DRC8: variants seen among roughly 807,000 people sequenced by gnomAD.
DRC8 encodes dynein regulatory complex protein 8.
the DRC8 span, chr1:245,015,747 A>C: frequency 3.6e-6 from 1 of 280,794 alleles, no homozygotes; most frequent in East Asian, 1.3e-4. Context: ...TATATCCAGA[A>C]TGCTGACATT....
At chr1:245,037,335 G>A in the DRC8 span, among the ~76,000 whole-genome samples, 1 of 152,116 alleles carries the variant, frequency 6.6e-6, no homozygotes, top group African/African-American at 2.4e-5. Flanking sequence ...TTCTGTGTTG[G>A]GAAGTTTATT....
the DRC8 span, among the ~76,000 whole-genome samples, chr1:245,045,148 T>C: frequency 6.6e-6 from 1 of 152,146 alleles, no homozygotes; most frequent in Non-Finnish European, 1.5e-5. Flanking sequence ...TAGCTGGAAC[T>C]ACAGCCACAC....
At chr1:244,971,778 A>G in the DRC8 span, among the ~76,000 whole-genome samples, 1 of 152,322 alleles carries the variant, frequency 6.6e-6, no homozygotes, top group Admixed American at 6.5e-5. Context: ...GAAGAAACAC[A>G]TGAAACTGCC....
At chr1:245,075,646 C>G in the DRC8 span, 1 of 152,166 alleles carries the variant, frequency 6.6e-6, no homozygotes, top group African/African-American at 2.4e-5. Context: ...AAGATGAATT[C>G]CCTGCGAATG....
chr1:245,070,937 G>A, the DRC8 span, among the ~76,000 whole-genome samples: 2 of 152,202 alleles, frequency 1.3e-5, no homozygotes, highest in African/African-American at 2.4e-5. Flanking sequence ...CCTCTGCCAT[G>A]TTAGGACACA....
chr1:244,986,821 T>G, the DRC8 span, among the ~76,000 whole-genome samples: 1 of 150,260 alleles, frequency 6.7e-6, no homozygotes, highest in Non-Finnish European at 1.5e-5. Context: ...ATGATGGTGG[T>G]GTCTTGGATT....
chr1:245,111,125 ATT>A, the DRC8 span, among the ~76,000 whole-genome samples: 1 of 152,244 alleles, frequency 6.6e-6, no homozygotes, highest in Non-Finnish European at 1.5e-5. Flanking sequence ...GCTGTTAAAA[ATT>A]AACTTTATAA....
At chr1:244,994,708 G>A in the DRC8 span, among the ~76,000 whole-genome samples, 2 of 152,192 alleles carry the variant, frequency 1.3e-5, no homozygotes, top group Non-Finnish European at 2.9e-5. Flanking sequence ...GATTACAGGT[G>A]TGAGCCCCTG....
At chr1:245,029,003 C>T in the DRC8 span, among the ~76,000 whole-genome samples, 9 of 152,182 alleles carry the variant, frequency 5.9e-5, no homozygotes, top group Non-Finnish European at 1.3e-4. Flanking sequence ...CTGTAGCGTT[C>T]GGGGATCTGG....
At chr1:245,083,410 C>A in the DRC8 span, 948 of 1,588,616 alleles carry the variant, frequency 6.0e-4, 13 homozygotes, top group East Asian at 0.018. Context: ...GTAAATACCA[C>A]GGCATTTACT....
the DRC8 span, among the ~76,000 whole-genome samples, chr1:245,050,637 C>T: frequency 4.6e-5 from 7 of 152,120 alleles, no homozygotes; most frequent in African/African-American, 1.2e-4. Context: ...TCAGGACAGT[C>T]CCTGGCACAC....
chr1:245,003,592 T>C, the DRC8 span, among the ~76,000 whole-genome samples: 2 of 152,264 alleles, frequency 1.3e-5, no homozygotes, highest in East Asian at 3.9e-4. Flanking sequence ...ATTGACATCA[T>C]TTGGAGGTTT....
chr1:245,045,183 AT>A, the DRC8 span, among the ~76,000 whole-genome samples: 2 of 151,576 alleles, frequency 1.3e-5, no homozygotes, highest in African/African-American at 2.4e-5. Context: ...CTAATTTTAC[AT>A]TTTTTTGTAG....
chr1:244,986,239 G>A, the DRC8 span, among the ~76,000 whole-genome samples: 1 of 152,152 alleles, frequency 6.6e-6, no homozygotes, highest in African/African-American at 2.4e-5. Context: ...ACAGGCATGA[G>A]CCACCATGCC....
the DRC8 span, among the ~76,000 whole-genome samples, chr1:245,064,959 A>G: frequency 1.4e-5 from 2 of 144,350 alleles, no homozygotes; most frequent in South Asian, 4.4e-4. Flanking sequence ...AGTGACTTGT[A>G]TTTTTTGGTT....
the DRC8 span, among the ~76,000 whole-genome samples, chr1:244,984,486 G>T: frequency 1.3e-5 from 2 of 152,092 alleles, no homozygotes; most frequent in Admixed American, 1.3e-4. Flanking sequence ...CACATTGATG[G>T]CACCTTGCAT....
chr1:244,975,269 C>T, the DRC8 span, among the ~76,000 whole-genome samples: 1 of 152,092 alleles, frequency 6.6e-6, no homozygotes, highest in Non-Finnish European at 1.5e-5. Context: ...CCTTGGCCTC[C>T]CAAAGTGCTG....
chr1:244,980,812 A>T, the DRC8 span, among the ~76,000 whole-genome samples: 1 of 152,180 alleles, frequency 6.6e-6, no homozygotes, highest in Non-Finnish European at 1.5e-5. Context: ...TGTGTGTTGG[A>T]TCGCTTGAAT....
At chr1:244,990,824 T>C in the DRC8 span, among the ~76,000 whole-genome samples, 9 of 151,958 alleles carry the variant, frequency 5.9e-5, no homozygotes, top group Admixed American at 6.6e-5. Context: ...GTTTTTTTTT[T>C]TGTACTTCTA....
Sources: gnomAD v4.1 joint callset for allele counts (sites outside exome capture counted in the v4.1 genomes callset) on GRCh38, gnomAD v4.1.1 for gene constraint, MANE v1.5 for transcripts, NCBI Gene and HGNC (gene_info 2026-07-23, HGNC 2026-07-21) for gene names.